The following ITK variants were observed in gnomAD, a reference collection of about 807,000 sequenced individuals.
The protein encoded by ITK is IL2 inducible T cell kinase.
In ITK, 45 loss-of-function variants were observed where a neutral mutation model predicts 87.6. The ratio of observed to expected loss-of-function variants is 0.51; its 90% CI spans 0.40 to 0.66. ITK has a LOEUF of 0.66. Among genes scored for constraint, ITK ranks in the 30% least tolerant of loss-of-function variants. ITK has a pLI of 0.00. For missense variants in ITK, 605 were observed against 766.3 expected, an observed-to-expected ratio of 0.79 and a Z score of 2.48; for synonymous variants, 303 against 273.6, an observed-to-expected ratio of 1.11 and a Z score of -1.06.
chr5:157,213,747 CT>C, intron 3 of ITK: 6 of 346,820 alleles, frequency 1.7e-5, no homozygotes, highest in South Asian at 1.4e-4. Flanking sequence ...CAACCAAAAT[CT>C]TACTTCAAAG....
intron 1 of ITK, among the ~76,000 whole-genome samples, chr5:157,198,139 A>G (rs1040864792): frequency 6.7e-6 from 1 of 150,098 alleles, no homozygotes; most frequent in Admixed American, 6.8e-5. Flanking sequence ...AAAAAAAAGG[A>G]AAGAAAGAAA....
chr5:157,201,399 G>A (rs1397308635), intron 1 of ITK, among the ~76,000 whole-genome samples: 4 of 150,040 alleles, frequency 2.7e-5, no homozygotes, highest in Non-Finnish European at 4.4e-5. Flanking sequence ...CTGGGTTCAA[G>A]GGATTCTCCT....
intron 1 of ITK, among the ~76,000 whole-genome samples, chr5:157,205,536 CG>C (rs1561651430): frequency 6.6e-6 from 1 of 152,054 alleles, no homozygotes; most frequent in African/African-American, 2.4e-5. Flanking sequence ...GAAGACATGA[CG>C]AAATGCTTCA....
intron 1 of ITK, among the ~76,000 whole-genome samples, chr5:157,202,359 G>A (rs1753994678): frequency 6.6e-6 from 1 of 152,050 alleles, no homozygotes; most frequent in African/African-American, 2.4e-5. Context: ...GATTACAGGT[G>A]TGCACCATCA....
intron 15 of ITK, 67 bp from the exon 16 acceptor site, chr5:157,248,783 G>T (rs915828571): frequency 1.3e-6 from 2 of 1,565,134 alleles, no homozygotes; most frequent in Admixed American, 3.3e-5. Context: ...ATTTCTAGAG[G>T]CAGGTTGGTT....
At chr5:157,220,563 G>A (rs537748120) in intron 5 of ITK, among the ~76,000 whole-genome samples, 2 of 152,162 alleles carry the variant, frequency 1.3e-5, no homozygotes, top group African/African-American at 4.8e-5. Flanking sequence ...GTCCTGGGGG[G>A]TCAGGTTGTG....
At chr5:157,203,638 G>C (rs1754019940) in intron 1 of ITK, among the ~76,000 whole-genome samples, 1 of 152,204 alleles carries the variant, frequency 6.6e-6, no homozygotes. Context: ...TCTTGAAAAG[G>C]CAGCTCCGCT....
chr5:157,190,438 C>A (rs163316), intron 1 of ITK, among the ~76,000 whole-genome samples: 1 of 152,102 alleles, frequency 6.6e-6, no homozygotes, highest in Non-Finnish European at 1.5e-5. Context: ...CCAGGCACCA[C>A]GCTAGATGTG....
intron 1 of ITK, chr5:157,195,730 ACTT>A (rs1249965053): frequency 3.3e-5 from 5 of 152,328 alleles, no homozygotes; most frequent in African/African-American, 1.2e-4. Context: ...CTCTGCACAC[ACTT>A]CTTAACTTTT....
chr5:157,200,529 C>T (rs547034324), intron 1 of ITK, among the ~76,000 whole-genome samples: 21 of 152,264 alleles, frequency 1.4e-4, no homozygotes, highest in Non-Finnish European at 2.1e-4. Context: ...AGCCACCCCC[C>T]GGGGACCAAC....
intron 1 of ITK, among the ~76,000 whole-genome samples, chr5:157,206,104 C>G (rs1248650034): frequency 1.3e-5 from 2 of 151,352 alleles, no homozygotes; most frequent in African/African-American, 2.4e-5. Flanking sequence ...CAGGTGTGCA[C>G]CACCATATCC....
chr5:157,207,071 A>T (rs576165482), intron 1 of ITK, among the ~76,000 whole-genome samples: 208 of 152,228 alleles, frequency 1.4e-3, no homozygotes, highest in South Asian at 5.2e-3. Context: ...TCACCTTTAA[A>T]TTTTTTTAAA....
rs1356368469 is a variant in ITK at position 157,252,836 on chromosome 5, GACC to G, written c.*161_*163del. On this transcript the variant is annotated 3_prime_UTR_variant, in exon 17 of 17. Transcript: ENST00000422843. ...TGAGTCACCATGGAAGCAGCATCCTGACCACAGCTGGCAGTCAAGCCACAGCTG... is the reference window on the plus strand; with the variant it reads ...TGAGTCACCATGGAAGCAGCATCCTGACAGCTGGCAGTCAAGCCACAGCTG... 1 of 682,290 alleles carries G rather than the reference GACC, an allele frequency of 1.5e-6. No individual in the cohort carries two copies. The highest frequency in any genetic ancestry group is 1.8e-5 in the African/African-American group (1 of 57,100). 42.3% of individuals were successfully genotyped at this position (682,290 alleles called of 1,614,324 possible).
chr5:157,193,515 T>C (rs1023241730), intron 1 of ITK, among the ~76,000 whole-genome samples: 12 of 152,260 alleles, frequency 7.9e-5, no homozygotes, highest in African/African-American at 2.9e-4. Context: ...AAGTGTTTTA[T>C]ATGTCTTATA....
chr5:157,214,827 AT>A (rs1315541947), intron 4 of ITK, among the ~76,000 whole-genome samples: 6 of 152,084 alleles, frequency 3.9e-5, no homozygotes, highest in Admixed American at 2.0e-4. Flanking sequence ...GGTGAGAGGA[AT>A]TTTTTTTCTT....
At chr5:157,242,091 G>A (rs1021459322) in intron 11 of ITK, among the ~76,000 whole-genome samples, 1 of 152,206 alleles carries the variant, frequency 6.6e-6, no homozygotes, top group African/African-American at 2.4e-5. Flanking sequence ...CTAGTTGGTT[G>A]AGTAGCAGAC....
At chr5:157,181,917 T>C (rs1753538277) in intron 1 of ITK, among the ~76,000 whole-genome samples, 1 of 152,230 alleles carries the variant, frequency 6.6e-6, no homozygotes. Flanking sequence ...AGAAAAAGCA[T>C]TGGACAAAGG....
intron 1 of ITK, among the ~76,000 whole-genome samples, chr5:157,202,656 A>G (rs1011619103): frequency 1.7e-4 from 26 of 152,224 alleles, no homozygotes; most frequent in African/African-American, 4.6e-4. Flanking sequence ...TATATACCCA[A>G]GAATGGGATT....
chr5:157,224,314 A>G (rs906389808), intron 6 of ITK: 3 of 151,824 alleles, frequency 2.0e-5, no homozygotes, highest in Non-Finnish European at 4.4e-5. Context: ...CACTATTAAT[A>G]CCTTCTTGTG....
Sources: allele counts gnomAD v4.1 joint callset (sites outside exome capture counted in the v4.1 genomes callset), GRCh38; gene constraint gnomAD v4.1.1; transcripts MANE v1.5; gene names NCBI Gene and HGNC (gene_info 2026-07-23, HGNC 2026-07-21).